The following EPB42 variants were observed in gnomAD, a reference collection of about 807,000 sequenced individuals.
EPB42 encodes protein 4.2.
A neutral mutation model predicts 76.9 loss-of-function variants in EPB42; 49 were observed. The observed-to-expected ratio is 0.64, with a 90% CI of 0.51 to 0.81. The LOEUF is 0.81. Ranked by LOEUF, EPB42 falls within the 30% of genes least tolerant of loss-of-function variation. The probability of loss-of-function intolerance (pLI) is 0.00; values close to 1 mark genes in which losing one functional copy is unlikely to be tolerated. For synonymous variants in EPB42, 310 were observed against 338.4 expected (o/e 0.92, Z 0.92); for missense variants, 731 against 867.6 (o/e 0.84, Z 1.98).
Position 43,197,468 on chromosome 15 carries a change from A to T in EPB42, c.1914-4T>A, listed in dbSNP as rs1214701819. The T allele has an allele frequency of 6.2e-7, 1 of 1,613,950 alleles. No individual in the cohort carries two copies. The highest frequency in any genetic ancestry group is 1.7e-5 in the Admixed American group (1 of 60,026). On this transcript the variant is annotated splice_polypyrimidine_tract_variant and splice_region_variant and intron_variant, in intron 12 of 12. Transcript: ENST00000441366. ...TTCAGGCCACACTGAACGGAATCTG[A>T]AATAAAGGAAAAGGCAGGTGCTAGT...
At chr15:43,213,925 A>C (rs1217411279) in intron 3 of EPB42, among the ~76,000 whole-genome samples, 1 of 152,218 alleles carries the variant, frequency 6.6e-6, no homozygotes, top group Non-Finnish European at 1.5e-5. Context: ...TACCACAGAG[A>C]AAAGCAGTCA....
At chr15:43,210,589 C>T in intron 4 of EPB42, 150 bp from the exon 5 acceptor site, 1 of 745,858 alleles carries the variant, frequency 1.3e-6, no homozygotes, top group Middle Eastern at 2.3e-4. Flanking sequence ...CTTGCCTCAT[C>T]CCTCTGAGGA....
At chr15:43,220,661 CAGCCACCTCATTATCACCAGT>C in intron 1 of EPB42, 134 bp downstream of exon 1, 1 of 1,035,394 alleles carries the variant, frequency 9.7e-7, no homozygotes, top group South Asian at 1.4e-5. Context: ...CCCCCCCCCA[CAGCCACCTCATTATCACCAGT>C]ACCCCCTCCC....
intron 1 of EPB42, 138 bp downstream of exon 1, chr15:43,220,678 C>G (rs772469618): frequency 7.8e-7 from 1 of 1,277,800 alleles, no homozygotes; most frequent in Admixed American, 1.8e-5. Context: ...CTCATTATCA[C>G]CAGTACCCCC....
At chr15:43,209,604 TG>T (rs2042261310) in intron 5 of EPB42, 153 bp from the exon 6 acceptor site, 1 of 835,404 alleles carries the variant, frequency 1.2e-6, no homozygotes, top group Admixed American at 2.8e-5. Flanking sequence ...TGCATGCTTC[TG>T]GGCTCCATCC....
intron 6 of EPB42, 148 bp from the exon 7 acceptor site, chr15:43,208,923 G>A (rs2042248591): frequency 1.1e-6 from 1 of 946,218 alleles, no homozygotes; most frequent in African/African-American, 1.6e-5. Flanking sequence ...GCCAAGAACA[G>A]GATGCATGAA....
upstream of EPB42, among the ~76,000 whole-genome samples, chr15:43,224,188 C>T (rs1397626161): frequency 1.3e-5 from 2 of 152,152 alleles, no homozygotes; most frequent in Admixed American, 6.5e-5. Context: ...CCTGTGTCCA[C>T]GCGGAAAGAG....
intron 6 of EPB42, 27 bp from the exon 7 acceptor site, chr15:43,208,802 G>T (rs1217084480): frequency 2.5e-6 from 4 of 1,612,092 alleles, no homozygotes; most frequent in Non-Finnish European, 3.4e-6. Context: ...GGAGTGTCAG[G>T]GGGCGCTTGA....
chr15:43,219,998 G>A (rs999611395), intron 1 of EPB42, among the ~76,000 whole-genome samples: 1 of 150,918 alleles, frequency 6.6e-6, no homozygotes, highest in African/African-American at 2.4e-5. Flanking sequence ...TTCACAAGAC[G>A]TGGCTGAGAT....
rs751752908 is a variant in EPB42 at position 43,220,817 on chromosome 15, C to T, written c.9G>A (p.Gln3=). 6.2e-7 allele frequency: 1 copy of T among 1,611,930 alleles called. No individual in the cohort carries two copies. Among genetic ancestry groups the T allele is most frequent in the South Asian group, 1.1e-5 (1 of 91,086 alleles). The change falls in exon 1 of 13, where the codon CAG becomes CAA. Residue 3 remains glutamine (Q), a splice_region_variant and synonymous_variant. Coordinates refer to ENST00000441366, the MANE Select transcript of EPB42 (RefSeq NM_001114134.2). ...CTGTCGAGCGCTGGCTTGGCTCACC[C>T]TGTCCCATGGTTGCAGGCCGCTCCT... The part of the protein sequence containing the change: MG[Q]ALGIKSCDFQ...
At chr15:43,221,398 A>T (rs2042458860), upstream of EPB42, among the ~76,000 whole-genome samples, 1 of 152,220 alleles carries the variant, frequency 6.6e-6, no homozygotes, top group Non-Finnish European at 1.5e-5. Context: ...TGAAAAAGAT[A>T]AGGAAGTAGA....
chr15:43,225,686 TTC>T (rs1347943830), upstream of EPB42, among the ~76,000 whole-genome samples: 1 of 152,220 alleles, frequency 6.6e-6, no homozygotes, highest in Admixed American at 6.5e-5. Context: ...CATTAGCTAT[TTC>T]TCTGTCAAGT....
At chr15:43,210,229 G>A in intron 5 of EPB42, 106 bp downstream of exon 5, 4 of 964,546 alleles carry the variant, frequency 4.1e-6, no homozygotes, top group South Asian at 1.3e-5. Flanking sequence ...GGAGGAGGGG[G>A]CCATTTGTGA....
chr15:43,200,534 A>G (rs1213451442), intron 12 of EPB42, among the ~76,000 whole-genome samples: 1 of 152,238 alleles, frequency 6.6e-6, no homozygotes, highest in Non-Finnish European at 1.5e-5. Context: ...AAGACAAACT[A>G]CTTACTGAGA....
chr15:43,217,130 C>T (rs1269386704), intron 1 of EPB42, among the ~76,000 whole-genome samples: 1 of 152,210 alleles, frequency 6.6e-6, no homozygotes. Flanking sequence ...AATTTCAGGT[C>T]GAATTGTAAT....
rs1353020895 is a variant in EPB42, at chr15:43,206,025, A to T, written c.1618+305T>A. On this transcript the variant is annotated intron_variant, in intron 10 of 12. Coordinates refer to ENST00000441366, the MANE Select transcript of EPB42 (RefSeq NM_001114134.2). The surrounding 1 kb of genome is among the most constrained non-coding windows in gnomAD (Gnocchi z 4.7). ...AGTACAATTTATTTGGGGGCAGCTT[A>T]TTCCAGCCTGGGGGGAGGTGCTCTC... 1.7e-5 allele frequency: 5 copies of T among 302,896 alleles called. No homozygotes were observed. The highest frequency in any genetic ancestry group is 6.3e-5 in the African/African-American group (3 of 47,640). 18.8% of individuals were successfully genotyped at this position (302,896 alleles called of 1,614,324 possible).
upstream of EPB42, among the ~76,000 whole-genome samples, chr15:43,225,582 T>C (rs974214420): frequency 2.0e-5 from 3 of 152,214 alleles, no homozygotes; most frequent in African/African-American, 7.2e-5. Flanking sequence ...CGTTAGATAC[T>C]GGTGGTACAG....
chr15:43,223,876 A>G (rs1386776361), upstream of EPB42, among the ~76,000 whole-genome samples: 1 of 152,244 alleles, frequency 6.6e-6, no homozygotes, highest in Non-Finnish European at 1.5e-5. Context: ...CAGGAGACTG[A>G]GACATGAAAA....
At chr15:43,220,115 G>T (rs1317877220) in intron 1 of EPB42, among the ~76,000 whole-genome samples, 1 of 152,100 alleles carries the variant, frequency 6.6e-6, no homozygotes, top group Admixed American at 6.5e-5. Context: ...GAGTGAGGCA[G>T]TTTCTATAGC....
Sources: allele counts gnomAD v4.1 joint callset (sites outside exome capture counted in the v4.1 genomes callset), GRCh38; gene constraint gnomAD v4.1.1; non-coding constraint Gnocchi (gnomAD v3.1); transcripts MANE v1.5; gene names NCBI Gene and HGNC (gene_info 2026-07-23, HGNC 2026-07-21).